Variants in CSMD1 observed in about 807,000 individuals in gnomAD.
CSMD1 encodes the protein CUB and Sushi multiple domains 1, also known as CUB and sushi domain-containing protein 1.
In CSMD1, 213 loss-of-function variants were observed where a neutral mutation model predicts 417.5. The ratio of observed to expected loss-of-function variants is 0.51; its 90% CI spans 0.46 to 0.57. CSMD1 has a LOEUF of 0.57. Among genes scored for constraint, CSMD1 ranks in the 20% least tolerant of loss-of-function variants. CSMD1 has a pLI of 0.00. For synonymous variants in CSMD1, 2,862 were observed against 1,736.8 expected, an observed-to-expected ratio of 1.65 and a Z score of -16.11; for missense variants, 6,923 against 4,529.7, an observed-to-expected ratio of 1.53 and a Z score of -15.17.
At chr8:4,757,755 T>C (rs865929024) in intron 1 of CSMD1, among the ~76,000 whole-genome samples, 10 of 151,832 alleles carry the variant, frequency 6.6e-5, no homozygotes, top group African/African-American at 2.4e-4. Context: ...GGCCAGGAGT[T>C]TGAGACAAGC....
chr8:4,377,465 C>T (rs910402790), intron 3 of CSMD1, among the ~76,000 whole-genome samples: 1 of 152,110 alleles, frequency 6.6e-6, no homozygotes, highest in Admixed American at 6.6e-5. Flanking sequence ...CCTTAAATTA[C>T]TAACAAGTCA....
rs112268360 is a variant in CSMD1, at chr8:3,602,836, G to T, written c.1097+13874C>A. Among the ~76,000 whole-genome samples the T allele has an allele frequency of 3.5e-3, 526 of 151,744 alleles. 4 individuals are homozygous for T. Among genetic ancestry groups the T allele is most frequent in the African/African-American group, 0.012 (504 of 41,378 alleles). On this transcript the variant is annotated intron_variant, in intron 8 of 69. Coordinates refer to ENST00000635120, the MANE Select transcript of CSMD1 (RefSeq NM_033225.6). ...CATATCTGATGATCATGACAAACTG[G>T]GCTTTTGTTGATAATTCATCAACTA...
At chr8:3,613,724 C>T (rs1010012064) in intron 8 of CSMD1, among the ~76,000 whole-genome samples, 14 of 128,054 alleles carry the variant, frequency 1.1e-4, no homozygotes, top group Non-Finnish European at 2.2e-4. Flanking sequence ...CACACACACA[C>T]ACACACACAC....
intron 3 of CSMD1, among the ~76,000 whole-genome samples, chr8:4,368,510 C>T (rs946221070): frequency 6.6e-6 from 1 of 152,134 alleles, no homozygotes. Context: ...AGAAGTCCCT[C>T]TTTCTCAAAT....
intron 1 of CSMD1, among the ~76,000 whole-genome samples, chr8:4,833,773 G>C (rs1800291365): frequency 6.6e-6 from 1 of 152,218 alleles, no homozygotes; most frequent in Non-Finnish European, 1.5e-5. Flanking sequence ...CGTTATCTTA[G>C]GATATGATCC....
chr8:3,002,453 T>A (rs1486480899), intron 52 of CSMD1, among the ~76,000 whole-genome samples: 2 of 152,142 alleles, frequency 1.3e-5, no homozygotes, highest in Admixed American at 1.3e-4. Context: ...ATAGAATAGC[T>A]AGTTTCTAGA....
rs1554488269 is a variant in CSMD1 at position 4,806,451 on chromosome 8, G to GCCTGCTTCCCTC, written c.86-168894_86-168893insGAGGGAAGCAGG. ...ATGATGTTAGTGCCATCAACACCCT[G>GCCTGCTTCCCTC]CCTGCTTCCCACGCCCATCTGTGGG... On this transcript the variant is annotated intron_variant, in intron 1 of 69. Coordinates refer to ENST00000635120, the MANE Select transcript of CSMD1 (RefSeq NM_033225.6). Among the ~76,000 whole-genome samples the GCCTGCTTCCCTC allele has an allele frequency of 2.2e-4, 33 of 152,220 alleles. 1 individual carries two copies. In the South Asian group the frequency reaches 3.7e-3, roughly 17 times the overall value.
chr8:3,231,452 G>C (rs1585728508), intron 26 of CSMD1, among the ~76,000 whole-genome samples: 1 of 152,106 alleles, frequency 6.6e-6, no homozygotes, highest in African/African-American at 2.4e-5. Context: ...AAAGTAATGA[G>C]TAGGCTTTGC....
chr8:4,486,921 G>A (rs568639956), intron 2 of CSMD1, among the ~76,000 whole-genome samples: 1 of 152,212 alleles, frequency 6.6e-6, no homozygotes, highest in Admixed American at 6.5e-5. Flanking sequence ...TTTAATTAAA[G>A]CTTGTCAAGC....
intron 2 of CSMD1, among the ~76,000 whole-genome samples, chr8:4,448,121 T>A (rs1314911319): frequency 6.6e-6 from 1 of 152,228 alleles, no homozygotes; most frequent in Non-Finnish European, 1.5e-5. Context: ...CTCTTCCTAG[T>A]TCTCACTTTT....
intron 5 of CSMD1, among the ~76,000 whole-genome samples, chr8:3,909,081 A>C (rs17067911): frequency 1.3e-5 from 2 of 152,298 alleles, no homozygotes; most frequent in Admixed American, 1.3e-4. Flanking sequence ...GGAGAATTCT[A>C]GTGAACAAGT....
At chr8:3,129,109 T>C (rs1363367912) in intron 41 of CSMD1, among the ~76,000 whole-genome samples, 2 of 152,092 alleles carry the variant, frequency 1.3e-5, no homozygotes, top group Non-Finnish European at 2.9e-5. Context: ...AGTAAGAAAC[T>C]AGAGGAGGCC....
At chr8:3,288,738 T>C (rs891597775) in intron 25 of CSMD1, among the ~76,000 whole-genome samples, 1 of 147,254 alleles carries the variant, frequency 6.8e-6, no homozygotes, top group Non-Finnish European at 1.5e-5. Flanking sequence ...TGTTGATCTT[T>C]TCAAAAAACC....
intron 10 of CSMD1, among the ~76,000 whole-genome samples, chr8:3,546,443 G>A (rs1277717401): frequency 3.9e-5 from 6 of 151,912 alleles, no homozygotes; most frequent in African/African-American, 7.3e-5. Flanking sequence ...GGCTGAGGCA[G>A]GAGAATCTCT....
intron 10 of CSMD1, among the ~76,000 whole-genome samples, chr8:3,550,102 C>T (rs1214739427): frequency 6.6e-6 from 1 of 152,080 alleles, no homozygotes; most frequent in Non-Finnish European, 1.5e-5. Flanking sequence ...AAGCACAGAG[C>T]CGATAAAAAA....
chr8:3,521,622 C>T lies in CSMD1; in HGVS notation c.1345-27896G>A, dbSNP rs932609372. ...GGTGTTTAGCTAAATCCCTTGTACA[C>T]GGAGCAAAGTACATTTACAGGAGGA... is the stretch of plus-strand genomic sequence containing the variant. On this transcript the variant is annotated intron_variant, in intron 10 of 69. Coordinates refer to ENST00000635120, the MANE Select transcript of CSMD1 (RefSeq NM_033225.6). Among the ~76,000 whole-genome samples the T allele has an allele frequency of 3.3e-5, 5 of 152,196 alleles. 1 individual carries two copies. Among genetic ancestry groups the T allele is most frequent in the South Asian group, 4.1e-4 (2 of 4,820 alleles).
At chr8:3,187,285 C>T (rs150103515) in intron 36 of CSMD1, among the ~76,000 whole-genome samples, 107 of 152,168 alleles carry the variant, frequency 7.0e-4, no homozygotes, top group Middle Eastern at 3.4e-3. Context: ...TAAACAAAAG[C>T]AAAATTGAGA....
intron 10 of CSMD1, among the ~76,000 whole-genome samples, chr8:3,494,823 T>C (rs757201345): frequency 9.2e-5 from 14 of 152,166 alleles, no homozygotes; most frequent in Admixed American, 2.0e-4. Flanking sequence ...TGTTTTAGAA[T>C]GAAACAGAAA....
chr8:4,388,050 G>T (rs867072341), intron 3 of CSMD1, among the ~76,000 whole-genome samples: 37 of 152,082 alleles, frequency 2.4e-4, no homozygotes, highest in African/African-American at 8.9e-4. Flanking sequence ...CCTGATGAAT[G>T]AATGTCCACC....
Sources: gnomAD v4.1 joint callset for allele counts (sites outside exome capture counted in the v4.1 genomes callset) on GRCh38, gnomAD v4.1.1 for gene constraint, MANE v1.5 for transcripts, NCBI Gene and HGNC (gene_info 2026-07-23, HGNC 2026-07-21) for gene names.